Variants in TNNI1 observed in about 807,000 individuals in gnomAD.
TNNI1 encodes troponin I1, slow skeletal type.
Under a neutral mutation model 26.7 loss-of-function variants are expected in TNNI1, and 14 were observed. The observed-to-expected ratio is 0.52, with a 90% confidence interval of 0.35 to 0.82. TNNI1 has a LOEUF of 0.82. TNNI1 is among the 40% of genes least tolerant of loss of function. TNNI1 has a pLI of 0.01. For missense variants in TNNI1, 164 were observed against 257.0 expected (o/e 0.64, Z 2.47); for synonymous variants, 79 against 98.2 (o/e 0.80, Z 1.16).
intron 1 of TNNI1, among the ~76,000 whole-genome samples, chr1:201,419,020 C>T (rs3767548): frequency 0.48 from 72,977 of 151,866 alleles, 18,905 homozygotes; most frequent in Non-Finnish European, 0.59. Context: ...CTAATGGGTA[C>T]GTCTCTCATA....
At chr1:201,414,394 G>A in intron 5 of TNNI1, 124 bp downstream of exon 5, 2 of 785,954 alleles carry the variant, frequency 2.5e-6, no homozygotes, top group Admixed American at 3.2e-5. Flanking sequence ...ATGTAAGGGA[G>A]GAGTGCCCTG....
rs961150992 is a variant in TNNI1, at chr1:201,408,337, G to C, written c.*916C>G. On this transcript the variant is annotated 3_prime_UTR_variant, in exon 9 of 9. Coordinates refer to ENST00000361379, the MANE Select transcript of TNNI1 (RefSeq NM_003281.4). ...TGGGAGGAGGGTGGGTGAACGTGGG[G>C]AGAGCAGAGGCCGGAGGGACAGGAG... The C allele has an allele frequency of 2.0e-5, 3 of 152,904 alleles. No homozygotes were observed. Among genetic ancestry groups the C allele is most frequent in the Non-Finnish European group, 2.9e-5 (2 of 68,476 alleles). The allele number at this position is 152,904 out of a possible 1,614,324, so 9.5% of individuals were successfully genotyped here. A position where few individuals can be genotyped will look rare whatever the true frequency, so the allele number is the denominator to read the frequency against.
At chr1:201,410,934 T>C (rs893984702) in intron 7 of TNNI1, among the ~76,000 whole-genome samples, 45 of 152,234 alleles carry the variant, frequency 3.0e-4, no homozygotes, top group Admixed American at 5.2e-4. Context: ...CAACCAACTT[T>C]GAATAATTTG....
At position 201,404,050 on chromosome 1, in the gene TNNI1, C is replaced by T. The variant is rs958452959; in HGVS notation, c.*5203G>A. On this transcript the variant is annotated 3_prime_UTR_variant, in exon 9 of 9. Coordinates refer to ENST00000361379, the MANE Select transcript of TNNI1 (RefSeq NM_003281.4). ...GTGTCCTGGTTACTTCCTCCAGGGACATTCCACCAGGCAGGGCTTAGCACA... is the reference window on the plus strand; with the variant it reads ...GTGTCCTGGTTACTTCCTCCAGGGATATTCCACCAGGCAGGGCTTAGCACA... 3 of 152,174 alleles carry T rather than the reference C, an allele frequency of 2.0e-5. No homozygotes were observed. Among genetic ancestry groups the T allele is most frequent in the Admixed American group, 6.5e-5 (1 of 15,286 alleles). The allele number at this position is 152,174 out of a possible 1,614,324, so 9.4% of individuals were successfully genotyped here.
intron 4 of TNNI1, 143 bp from the exon 5 acceptor site, chr1:201,414,792 C>T (rs916876579): frequency 2.2e-6 from 3 of 1,340,434 alleles, no homozygotes; most frequent in Admixed American, 4.6e-5. Flanking sequence ...GGACAGGCCA[C>T]CATGAGGGTA....
chr1:201,410,481 GC>G (rs1315872907), intron 7 of TNNI1, 46 bp from the exon 8 acceptor site: 20 of 1,546,328 alleles, frequency 1.3e-5, no homozygotes, highest in African/African-American at 2.7e-5. Flanking sequence ...AGGCTGGACG[GC>G]CCCCCAGCTC....
intron 4 of TNNI1, 96 bp downstream of exon 4, chr1:201,415,117 T>C: frequency 1.7e-6 from 2 of 1,179,382 alleles, no homozygotes; most frequent in Non-Finnish European, 1.3e-6. Flanking sequence ...CTCCTTCCTT[T>C]CTCCTTGCCA....
chr1:201,410,218 C>T (rs1460967168), intron 8 of TNNI1, 108 bp downstream of exon 8: 4 of 903,826 alleles, frequency 4.4e-6, no homozygotes, highest in South Asian at 1.6e-5. Flanking sequence ...TGCCTTAGTC[C>T]GTGCATCCGT....
intron 3 of TNNI1, among the ~76,000 whole-genome samples, chr1:201,415,693 T>C (rs1260781763): frequency 6.6e-6 from 1 of 152,142 alleles, no homozygotes; most frequent in Non-Finnish European, 1.5e-5. Flanking sequence ...AATACAGCAA[T>C]ACCTTGATGA....
chr1:201,411,319 G>A lies in TNNI1; in HGVS notation c.456+38C>T, dbSNP rs1292644396. ...GGGGTTGACAAGGGGAAAGCTGGTA[G>A]GGCAGAGGGTGGAATGTTCTGAGGA... is the stretch of plus-strand genomic sequence containing the variant. On this transcript the variant is annotated intron_variant, in intron 7 of 8. Coordinates refer to ENST00000361379, the MANE Select transcript of TNNI1 (RefSeq NM_003281.4). This position sits in a 1 kb window ranked among gnomAD's most constrained non-coding sequence, Gnocchi z 4.6. The A allele has an allele frequency of 4.4e-6, 7 of 1,606,054 alleles. No individual in the cohort carries two copies. The highest frequency in any genetic ancestry group is 4.5e-5 in the East Asian group (2 of 44,402).
intron 2 of TNNI1, 97 bp from the exon 3 acceptor site, chr1:201,417,216 C>G (rs1662758054): frequency 3.9e-6 from 6 of 1,537,862 alleles, no homozygotes; most frequent in Non-Finnish European, 5.4e-6. Flanking sequence ...ACCTCACAGA[C>G]CAGCTTGGGG....
chr1:201,406,752 T>G lies in TNNI1; in HGVS notation c.*2501A>C, dbSNP rs2102367071. On this transcript the variant is annotated 3_prime_UTR_variant, in exon 9 of 9. Transcript: ENST00000361379. Reference sequence around the variant, plus strand: ...TCCCTCTCCCACCCCCAAGCTCTCCTTCCCCTTGTCCACAGGGCCTCTCAA... The same window carrying G: ...TCCCTCTCCCACCCCCAAGCTCTCCGTCCCCTTGTCCACAGGGCCTCTCAA... The G allele has an allele frequency of 6.6e-6, 1 of 152,626 alleles. No individual in the cohort carries two copies. The highest frequency in any genetic ancestry group is 2.1e-4 in the South Asian group (1 of 4,836). The allele number at this position is 152,626 out of a possible 1,614,324, so 9.5% of individuals were successfully genotyped here.
At chr1:201,418,856 TTAAAA>T (rs1662802299) in intron 1 of TNNI1, among the ~76,000 whole-genome samples, 1 of 152,098 alleles carries the variant, frequency 6.6e-6, no homozygotes, top group Non-Finnish European at 1.5e-5. Context: ...TAATAAGTAA[TTAAAA>T]TAATATTTAA....
intron 3 of TNNI1, among the ~76,000 whole-genome samples, chr1:201,416,228 T>G (rs915199197): frequency 1.3e-5 from 2 of 152,180 alleles, no homozygotes; most frequent in Non-Finnish European, 2.9e-5. Flanking sequence ...TTTGTTACAT[T>G]TCAGATAAGT....
At chr1:201,420,502 A>G (rs1187805960) in intron 1 of TNNI1, among the ~76,000 whole-genome samples, 1 of 152,170 alleles carries the variant, frequency 6.6e-6, no homozygotes, top group Non-Finnish European at 1.5e-5. Context: ...GAGGCTTTGC[A>G]GCGTGGAAGG....
chr1:201,419,454 C>G (rs892823192), intron 1 of TNNI1, among the ~76,000 whole-genome samples: 1 of 152,130 alleles, frequency 6.6e-6, no homozygotes, highest in Non-Finnish European at 1.5e-5. Flanking sequence ...AGCCCTGAGC[C>G]AGGCTGTGAA....
intron 7 of TNNI1, 46 bp from the exon 8 acceptor site, chr1:201,410,481 G>GC (rs1315872907): frequency 6.5e-7 from 1 of 1,546,478 alleles, no homozygotes; most frequent in Non-Finnish European, 8.9e-7. Context: ...AGGCTGGACG[G>GC]CCCCCCAGCT....
chr1:201,404,640 C>G lies in TNNI1; in HGVS notation c.*4613G>C, dbSNP rs893442923. 1 of 152,176 alleles carries G rather than the reference C, an allele frequency of 6.6e-6. No individual in the cohort carries two copies. The highest frequency in any genetic ancestry group is 1.5e-5 in the Non-Finnish European group (1 of 68,028). The allele number at this position is 152,176 out of a possible 1,614,324, so 9.4% of individuals were successfully genotyped here. ...GCATGCTTTTAGATCAGAGGAAGGTCGTTTCCACTGAATACATTTAGCTTT... is the reference window on the plus strand; with the variant it reads ...GCATGCTTTTAGATCAGAGGAAGGTGGTTTCCACTGAATACATTTAGCTTT... On this transcript the variant is annotated 3_prime_UTR_variant, in exon 9 of 9. Coordinates refer to ENST00000361379, the MANE Select transcript of TNNI1 (RefSeq NM_003281.4).
intron 6 of TNNI1, among the ~76,000 whole-genome samples, 161 bp downstream of exon 6, chr1:201,412,871 C>T (rs1662662125): frequency 6.6e-6 from 1 of 152,212 alleles, no homozygotes; most frequent in Non-Finnish European, 1.5e-5. Flanking sequence ...CTCTACCCAT[C>T]TCCAGCCCTA....
Sources: gnomAD v4.1 joint callset for allele counts (sites outside exome capture counted in the v4.1 genomes callset) on GRCh38, gnomAD v4.1.1 for gene constraint, Gnocchi (gnomAD v3.1) non-coding constraint, MANE v1.5 for transcripts, NCBI Gene and HGNC (gene_info 2026-07-23, HGNC 2026-07-21) for gene names.